Variants in HCLS1 observed in about 807,000 individuals in gnomAD.
The protein encoded by HCLS1 is hematopoietic lineage cell-specific protein.
Under a neutral mutation model 68.6 loss-of-function variants are expected in HCLS1, and 44 were observed. That is an observed-to-expected ratio of 0.64 (90% CI 0.50 to 0.82). The LOEUF (loss-of-function observed/expected upper bound fraction) is 0.82, where lower values mean the gene tolerates loss of function less well. Among genes scored for constraint, HCLS1 ranks in the 40% least tolerant of loss-of-function variants. The pLI is 0.00. For missense variants in HCLS1, 602 were observed against 612.1 expected (o/e 0.98, Z 0.17); for synonymous variants, 217 against 225.8 (o/e 0.96, Z 0.35).
At chr3:121,635,509 C>A (rs2049142199) in intron 9 of HCLS1, among the ~76,000 whole-genome samples, 1 of 151,944 alleles carries the variant, frequency 6.6e-6, no homozygotes, top group African/African-American at 2.4e-5. Context: ...AATTCCTGAG[C>A]TCAAGCAGTC....
At chr3:121,657,541 C>T (rs1436894682) in intron 2 of HCLS1, among the ~76,000 whole-genome samples, 189 bp from the exon 3 acceptor site, 2 of 152,128 alleles carry the variant, frequency 1.3e-5, no homozygotes, top group Admixed American at 6.5e-5. Flanking sequence ...TGAGGCCAGG[C>T]GTGGTGGCTT....
Position 121,632,452 on chromosome 3 carries a change from G to C in HCLS1, c.1120C>G (p.Pro374Ala), listed in dbSNP as rs376083217. ...TCAACGTCCTCATAGTCATTCTCAG[G>C]CTCGGGCTCAGGCTCGGGCTCAGGC... ...PEPEPEPEPE[P>A]ENDYEDVEEM... is the part of the protein sequence containing the mutation. Residue 374 changes from proline to alanine, a missense_variant, in exon 12 of 14, where the codon CCT becomes GCT. Pro to Ala is a conservative substitution (Grantham distance 27, BLOSUM62 -1). Transcript: ENST00000314583. 2 of 1,612,680 alleles carry C rather than the reference G, an allele frequency of 1.2e-6. No homozygotes were observed. The highest frequency in any genetic ancestry group is 1.7e-6 in the Non-Finnish European group (2 of 1,179,122).
At chr3:121,646,433 ATTAATAATGTAGATT>A (rs1937606949) in intron 4 of HCLS1, among the ~76,000 whole-genome samples, 1 of 102,318 alleles carries the variant, frequency 9.8e-6, no homozygotes, top group Non-Finnish European at 1.7e-5. Flanking sequence ...AATATAATGT[ATTAATAATGTAGATT>A]ATATATTATA....
intron 9 of HCLS1, among the ~76,000 whole-genome samples, chr3:121,635,028 C>T (rs1312928243): frequency 6.6e-6 from 1 of 152,054 alleles, no homozygotes; most frequent in African/African-American, 2.4e-5. Flanking sequence ...CAAGCCACCA[C>T]TCATCCTCAA....
At chr3:121,637,072 G>A (rs375950186) in intron 7 of HCLS1, 74 bp downstream of exon 7, 106 of 1,069,832 alleles carry the variant, frequency 9.9e-5, no homozygotes, top group Admixed American at 2.2e-4. Context: ...TGGGGCACCC[G>A]GGTGAGCTTC....
At chr3:121,652,436 T>C (rs1937770705) in intron 3 of HCLS1, among the ~76,000 whole-genome samples, 3 of 152,168 alleles carry the variant, frequency 2.0e-5, no homozygotes, top group African/African-American at 7.2e-5. Flanking sequence ...GGCGGATCAC[T>C]TGAGGTCAGG....
At chr3:121,638,205 G>A (rs1421868665) in intron 6 of HCLS1, among the ~76,000 whole-genome samples, 1 of 152,044 alleles carries the variant, frequency 6.6e-6, no homozygotes, top group African/African-American at 2.4e-5. Context: ...GGGACCACAG[G>A]CAGGTGCCAC....
chr3:121,636,149 G>A lies in HCLS1; in HGVS notation c.621+285C>T, dbSNP rs192634949. Among the ~76,000 whole-genome samples, 146 of 152,228 alleles carry A rather than the reference G, an allele frequency of 9.6e-4. 2 individuals are homozygous for A. Among genetic ancestry groups the A allele is most frequent in the Non-Finnish European group, 4.1e-4 (28 of 68,008 alleles). ...GGGAAGAGACTTAAGATTGGGTTAAGCAATGCCAAGAAATCAATACAATTT... is the reference window on the plus strand; with the variant it reads ...GGGAAGAGACTTAAGATTGGGTTAAACAATGCCAAGAAATCAATACAATTT... On this transcript the variant is annotated intron_variant, in intron 8 of 13. Transcript: ENST00000314583.
intron 11 of HCLS1, 66 bp downstream of exon 11, chr3:121,633,001 A>T: frequency 8.8e-7 from 1 of 1,139,808 alleles, no homozygotes; most frequent in South Asian, 1.4e-5. Flanking sequence ...GCCACCCTGC[A>T]CAGCCCACAT....
chr3:121,650,807 A>T (rs1937733108), intron 3 of HCLS1, among the ~76,000 whole-genome samples: 1 of 152,188 alleles, frequency 6.6e-6, no homozygotes, highest in Non-Finnish European at 1.5e-5. Flanking sequence ...CATCATCAGG[A>T]TTAAGATCTT....
intron 3 of HCLS1, among the ~76,000 whole-genome samples, chr3:121,649,136 CA>C (rs754579197): frequency 3.7e-4 from 57 of 152,172 alleles, no homozygotes; most frequent in Non-Finnish European, 6.3e-4. Flanking sequence ...AAAAACTAGT[CA>C]GGGGATCATA....
chr3:121,659,429 A>T (rs967690762), intron 1 of HCLS1, among the ~76,000 whole-genome samples: 5 of 152,088 alleles, frequency 3.3e-5, no homozygotes, highest in African/African-American at 1.2e-4. Context: ...GACCTTCCCC[A>T]TGCTCTCCAT....
At chr3:121,641,333 C>A (rs2049195600) in intron 6 of HCLS1, among the ~76,000 whole-genome samples, 1 of 152,032 alleles carries the variant, frequency 6.6e-6, no homozygotes, top group Non-Finnish European at 1.5e-5. Context: ...AAGAATGATG[C>A]AACATAAAGA....
At chr3:121,645,875 A>T (rs1229539995) in intron 4 of HCLS1, among the ~76,000 whole-genome samples, 1 of 145,262 alleles carries the variant, frequency 6.9e-6, no homozygotes, top group African/African-American at 2.5e-5. Context: ...TTATGAATAA[A>T]CTATATATTT....
chr3:121,637,196 G>T lies in HCLS1; in HGVS notation c.515C>A (p.Ala172Asp). ...CTCTCCCTTGTAGTCATATCCCAGAGCTGCTTTGTCCCATTTATCCTTCTC... is the reference window on the plus strand; with the variant it reads ...CTCTCCCTTGTAGTCATATCCCAGATCTGCTTTGTCCCATTTATCCTTCTC... ...GVEKDKWDKA[A>D]LGYDYKGETE... Residue 172 changes from alanine (A) to aspartate (D), a missense_variant, in exon 7 of 14, where the codon GCT becomes GAT. Physicochemically the swap from Ala to Asp is moderately radical, Grantham distance 126 (BLOSUM62 -2). Coordinates refer to ENST00000314583, the MANE Select transcript of HCLS1 (RefSeq NM_005335.6). The T allele has an allele frequency of 6.2e-7, 1 of 1,613,820 alleles. No homozygotes were observed. The highest frequency in any genetic ancestry group is 8.5e-7 in the Non-Finnish European group (1 of 1,179,870).
Position 121,637,136 on chromosome 3 carries a change from C to T in HCLS1, c.565+10G>A, listed in dbSNP as rs557611861. ...TATCTGTGACCTTCCCCCTTCCAACCCCAACTCACCTCTCTGGGACTCGTG... is the reference window on the plus strand; with the variant it reads ...TATCTGTGACCTTCCCCCTTCCAACTCCAACTCACCTCTCTGGGACTCGTG... On this transcript the variant is annotated intron_variant, in intron 7 of 13. Transcript: ENST00000314583. The T allele has an allele frequency of 3.2e-6, 5 of 1,587,124 alleles. No individual in the cohort carries two copies. Among genetic ancestry groups the T allele is most frequent in the Middle Eastern group, 1.7e-4 (1 of 6,008 alleles).
chr3:121,642,840 G>A, intron 6 of HCLS1, 87 bp downstream of exon 6: 1 of 1,037,596 alleles, frequency 9.6e-7, no homozygotes, highest in Non-Finnish European at 1.5e-6. Context: ...AAGTTAAAAA[G>A]CTGATGACAA....
At chr3:121,648,829 TAAACTCTCTG>T (rs1560142727) in intron 3 of HCLS1, among the ~76,000 whole-genome samples, 1 of 152,188 alleles carries the variant, frequency 6.6e-6, no homozygotes, top group African/African-American at 2.4e-5. Context: ...ATGCCTCCTC[TAAACTCTCTG>T]GCAGCGTTGA....
intron 6 of HCLS1, among the ~76,000 whole-genome samples, chr3:121,640,034 AAG>A: frequency 6.6e-6 from 1 of 152,168 alleles, no homozygotes; most frequent in East Asian, 1.9e-4. Flanking sequence ...AATAATTAAA[AAG>A]AGAAAAAACA....
Sources: gnomAD v4.1 joint callset for allele counts (sites outside exome capture counted in the v4.1 genomes callset) on GRCh38, gnomAD v4.1.1 for gene constraint, MANE v1.5 for transcripts, NCBI Gene and HGNC (gene_info 2026-07-23, HGNC 2026-07-21) for gene names.